The following CCSER1 variants were observed in gnomAD, a reference collection of about 807,000 sequenced individuals.
CCSER1 encodes serine-rich coiled-coil domain-containing protein 1.
CCSER1 carries 41 observed loss-of-function variants against 82.0 expected under a neutral mutation model. The ratio of observed to expected loss-of-function variants is 0.50; its 90% confidence interval spans 0.39 to 0.65. CCSER1 has a LOEUF of 0.65. CCSER1 is among the 30% of genes least tolerant of loss of function. CCSER1 has a pLI of 0.00. For missense variants in CCSER1, 1,119 were observed against 1,064.2 expected (o/e 1.05, Z -0.72); for synonymous variants, 414 against 383.9 (o/e 1.08, Z -0.92).
At chr4:91,106,124 G>A (rs1269242713) in intron 10 of CCSER1, among the ~76,000 whole-genome samples, 1 of 152,108 alleles carries the variant, frequency 6.6e-6, no homozygotes, top group Non-Finnish European at 1.5e-5. Context: ...GAAAAACAGG[G>A]TCCTGTCTCT....
Position 91,452,244 on chromosome 4 carries a change from A to G in CCSER1, c.2218-146328A>G, listed in dbSNP as rs564482902. Among the ~76,000 whole-genome samples, 2 of 152,170 alleles carry G rather than the reference A, an allele frequency of 1.3e-5. 1 individual carries two copies. Among genetic ancestry groups the G allele is most frequent in the African/African-American group, 4.8e-5 (2 of 41,556 alleles). ...ATGTCTTCAAGTAGAGCATATCATC[A>G]TCTTGTCACAGATCCCATGAACCTA... is the stretch of plus-strand genomic sequence containing the variant. On this transcript the variant is annotated intron_variant, in intron 10 of 10. Coordinates refer to ENST00000509176, the MANE Select transcript of CCSER1 (RefSeq NM_001145065.2).
intron 5 of CCSER1, among the ~76,000 whole-genome samples, chr4:90,524,465 G>T (rs550317284): frequency 4.3e-4 from 65 of 151,958 alleles, no homozygotes; most frequent in South Asian, 1.7e-3. Flanking sequence ...TGTTTTTTTT[G>T]TTGTTGTTGT....
intron 10 of CCSER1, among the ~76,000 whole-genome samples, chr4:91,406,715 T>A (rs1292544632): frequency 2.0e-5 from 3 of 152,226 alleles, no homozygotes; most frequent in Admixed American, 6.5e-5. Context: ...AATGATAATA[T>A]CTTCATGACT....
chr4:90,587,846 C>G (rs957557956), intron 5 of CCSER1, among the ~76,000 whole-genome samples: 1 of 152,104 alleles, frequency 6.6e-6, no homozygotes, highest in Non-Finnish European at 1.5e-5. Context: ...TGGAAAAAAT[C>G]AATTTCAGGC....
intron 10 of CCSER1, among the ~76,000 whole-genome samples, chr4:91,454,456 A>G (rs1756038045): frequency 6.6e-6 from 1 of 151,966 alleles, no homozygotes; most frequent in Non-Finnish European, 1.5e-5. Context: ...AAGGACACAC[A>G]CAGATTACAT....
At chr4:90,884,598 T>G (rs1397853278) in intron 8 of CCSER1, among the ~76,000 whole-genome samples, 3 of 152,244 alleles carry the variant, frequency 2.0e-5, no homozygotes, top group Non-Finnish European at 4.4e-5. Flanking sequence ...ATAAAAAAAT[T>G]CTGAAGGAGC....
At chr4:90,637,173 A>G (rs1276308116) in intron 6 of CCSER1, among the ~76,000 whole-genome samples, 1 of 152,148 alleles carries the variant, frequency 6.6e-6, no homozygotes, top group Non-Finnish European at 1.5e-5. Context: ...GGCTGTAGTC[A>G]TGAATTCTTG....
At chr4:91,557,717 C>A (rs571151562) in intron 10 of CCSER1, among the ~76,000 whole-genome samples, 44 of 151,392 alleles carry the variant, frequency 2.9e-4, no homozygotes, top group African/African-American at 1.0e-3. Context: ...ATAGTTTTTA[C>A]AGGAGCCCAG....
At chr4:90,629,310 A>G (rs1723908564) in intron 6 of CCSER1, among the ~76,000 whole-genome samples, 1 of 152,182 alleles carries the variant, frequency 6.6e-6, no homozygotes, top group Admixed American at 6.5e-5. Flanking sequence ...ACTGCTAATA[A>G]AGACATACCT....
intron 9 of CCSER1, among the ~76,000 whole-genome samples, chr4:90,999,652 T>C (rs1326478744): frequency 3.3e-5 from 5 of 152,210 alleles, no homozygotes; most frequent in Admixed American, 1.3e-4. Flanking sequence ...ATGCATTGTT[T>C]GCAAATATTT....
At chr4:91,025,111 G>A (rs551672491) in intron 9 of CCSER1, among the ~76,000 whole-genome samples, 1 of 152,206 alleles carries the variant, frequency 6.6e-6, no homozygotes, top group African/African-American at 2.4e-5. Flanking sequence ...AGCCTTTGTA[G>A]GAGCATGTGC....
intron 4 of CCSER1, among the ~76,000 whole-genome samples, chr4:90,438,019 G>C (rs2153570785): frequency 6.6e-6 from 1 of 152,118 alleles, no homozygotes; most frequent in East Asian, 1.9e-4. Flanking sequence ...CATCTCCACA[G>C]TTCTGTAAAA....
intron 5 of CCSER1, among the ~76,000 whole-genome samples, chr4:90,566,032 A>ATTTT (rs375375662): frequency 8.2e-6 from 1 of 122,550 alleles, no homozygotes; most frequent in Non-Finnish European, 1.8e-5. Flanking sequence ...TAATTTTTGT[A>ATTTT]TTTTTTTTTT....
chr4:90,852,590 AC>A (rs1330372051), intron 8 of CCSER1, among the ~76,000 whole-genome samples: 1 of 152,140 alleles, frequency 6.6e-6, no homozygotes, highest in African/African-American at 2.4e-5. Flanking sequence ...AGGAAAGAAA[AC>A]CTTCATCTCT....
intron 10 of CCSER1, among the ~76,000 whole-genome samples, chr4:91,096,608 C>G (rs1724541206): frequency 6.6e-6 from 1 of 152,176 alleles, no homozygotes; most frequent in Non-Finnish European, 1.5e-5. Context: ...TGATGGCTAA[C>G]TTACCTCTAA....
intron 7 of CCSER1, among the ~76,000 whole-genome samples, chr4:90,727,861 TA>T (rs1342877831): frequency 2.6e-5 from 4 of 152,328 alleles, no homozygotes; most frequent in South Asian, 2.1e-4. Flanking sequence ...ACTTAAGTAA[TA>T]TTTTTTGATT....
chr4:91,247,897 T>C (rs34967228), intron 10 of CCSER1, among the ~76,000 whole-genome samples: 34,653 of 151,344 alleles, frequency 0.23, 4,662 homozygotes, highest in African/African-American at 0.36. Context: ...AACAAAACAA[T>C]AACAACAAAA....
intron 5 of CCSER1, among the ~76,000 whole-genome samples, chr4:90,613,806 A>G (rs574750930): frequency 1.3e-5 from 2 of 152,286 alleles, no homozygotes; most frequent in East Asian, 3.9e-4. Flanking sequence ...ATTCACATGG[A>G]AATAAAAAAA....
At position 90,308,475 on chromosome 4, in the gene CCSER1, G is replaced by T. The variant is rs774767718; in HGVS notation, c.191G>T (p.Arg64Leu). The T allele has an allele frequency of 6.2e-7, 1 of 1,613,654 alleles. No homozygotes were observed. The highest frequency in any genetic ancestry group is 1.1e-5 in the South Asian group (1 of 91,084). The change falls in exon 2 of 11, where the codon CGT (arginine) becomes CTT (leucine). Residue 64 changes from arginine to leucine, a missense_variant. Transcript: ENST00000509176. ...ACAGGTAAACGGAGGAGCATATTCC[G>T]TACTCCTTCCATTAGCTTCCACCAT... ...GSTGKRRSIF[R>L]TPSISFHHKK...
Sources: gnomAD v4.1 joint callset for allele counts (sites outside exome capture counted in the v4.1 genomes callset) on GRCh38, gnomAD v4.1.1 for gene constraint, MANE v1.5 for transcripts, NCBI Gene and HGNC (gene_info 2026-07-23, HGNC 2026-07-21) for gene names.